STARD13: variants seen among roughly 807,000 people sequenced by gnomAD.
STARD13 encodes StAR related lipid transfer domain containing 13.
Under a neutral mutation model 106.4 loss-of-function variants are expected in STARD13, and 62 were observed. That is an observed-to-expected ratio of 0.58 (90% CI 0.48 to 0.72). The LOEUF (loss-of-function observed/expected upper bound fraction) is 0.72, where lower values mean the gene tolerates loss of function less well. Among genes scored for constraint, STARD13 ranks in the 30% least tolerant of loss-of-function variants. The probability of loss-of-function intolerance (pLI) is 0.00; values close to 1 mark genes in which losing one functional copy is unlikely to be tolerated. For missense variants in STARD13, 1,387 were observed against 1,424.0 expected, an observed-to-expected ratio of 0.97 and a Z score of 0.42; for synonymous variants, 565 against 553.0, an observed-to-expected ratio of 1.02 and a Z score of -0.31.
chr13:33,537,806 C>T, the STARD13 span, among the ~76,000 whole-genome samples: 582 of 152,278 alleles, frequency 3.8e-3, 7 homozygotes, highest in African/African-American at 0.013. Flanking sequence ...GAATTTACAG[C>T]TACAGCATAG....
chr13:33,431,086 G>A, the STARD13 span, among the ~76,000 whole-genome samples: 5 of 152,154 alleles, frequency 3.3e-5, no homozygotes, highest in Non-Finnish European at 7.4e-5. Context: ...TTCTAGCATA[G>A]AGACAAGACA....
At chr13:33,112,030 T>C (rs1034302688) in intron 9 of STARD13, 138 bp from the exon 10 acceptor site, 5 of 598,206 alleles carry the variant, frequency 8.4e-6, no homozygotes, top group Non-Finnish European at 1.5e-5. Context: ...ATAAAAACAA[T>C]GATCACATAT....
the STARD13 span, among the ~76,000 whole-genome samples, chr13:33,572,154 C>G: frequency 6.6e-6 from 1 of 152,156 alleles, no homozygotes; most frequent in Non-Finnish European, 1.5e-5. Context: ...TCTCCCTTTC[C>G]AGGTACCAGA....
At chr13:33,156,208 AAACCCAT>A (rs1452205563) in intron 3 of STARD13, among the ~76,000 whole-genome samples, 1 of 152,202 alleles carries the variant, frequency 6.6e-6, no homozygotes, top group Non-Finnish European at 1.5e-5. Context: ...ATTTCCTGGA[AAACCCAT>A]TCCCTTAGTA....
chr13:33,667,484 G>A, the STARD13 span, among the ~76,000 whole-genome samples: 1 of 152,162 alleles, frequency 6.6e-6, no homozygotes, highest in African/African-American at 2.4e-5. Context: ...TCATATAGAT[G>A]CACATGTAGG....
chr13:33,204,489 T>C (rs1887272213), intron 1 of STARD13, among the ~76,000 whole-genome samples: 1 of 152,038 alleles, frequency 6.6e-6, no homozygotes, highest in African/African-American at 2.4e-5. Context: ...ATTTCCCCAA[T>C]AAGAAAAGAC....
At chr13:33,624,350 G>T in the STARD13 span, among the ~76,000 whole-genome samples, 6 of 152,328 alleles carry the variant, frequency 3.9e-5, no homozygotes, top group South Asian at 1.2e-3. Context: ...TGTCTGTAAG[G>T]GTGATCTTGG....
chr13:33,644,885 T>C, the STARD13 span, among the ~76,000 whole-genome samples: 1 of 152,184 alleles, frequency 6.6e-6, no homozygotes, highest in Admixed American at 6.5e-5. Context: ...TATAACAATA[T>C]GCATGTGACA....
In STARD13 at chr13:33,130,391, C is replaced by G; in HGVS notation, c.388-102G>C. 8.9e-7 allele frequency: 1 copy of G among 1,120,692 alleles called. No individual in the cohort carries two copies. The highest frequency in any genetic ancestry group is 1.3e-6 in the Non-Finnish European group (1 of 784,088). The allele number at this position is 1,120,692 out of a possible 1,614,324, so 69.4% of individuals were successfully genotyped here. Reference sequence around the variant, plus strand: ...CCTGTGTGGTCCTCCACCTCCCTCCCCTCTGTCCTCCCATGCACAGGTGTG... The same window carrying G: ...CCTGTGTGGTCCTCCACCTCCCTCCGCTCTGTCCTCCCATGCACAGGTGTG... On this transcript the variant is annotated intron_variant, in intron 4 of 13. Coordinates refer to ENST00000336934, the MANE Select transcript of STARD13 (RefSeq NM_178006.4). This position sits in a 1 kb window ranked among gnomAD's most constrained non-coding sequence, Gnocchi z 4.1.
At chr13:33,368,098 C>T in the STARD13 span, among the ~76,000 whole-genome samples, 1 of 152,230 alleles carries the variant, frequency 6.6e-6, no homozygotes, top group South Asian at 2.1e-4. Flanking sequence ...CCCCTTACTT[C>T]AAACACTTCT....
intron 1 of STARD13, chr13:33,271,261 T>C (rs1281397658): frequency 1.3e-5 from 2 of 152,294 alleles, no homozygotes; most frequent in African/African-American, 4.8e-5. Flanking sequence ...CCTCCTTTAA[T>C]ACACACTTTT....
chr13:33,285,460 G>C lies in STARD13; in HGVS notation c.169+10C>G. The C allele has an allele frequency of 6.2e-7, 1 of 1,609,900 alleles. No homozygotes were observed. The highest frequency in any genetic ancestry group is 8.5e-7 in the Non-Finnish European group (1 of 1,177,352). ...GAATGAGCAACAGCCTTCCACTGCCGGCCACTCACCTTGTTGAATTTTAGT... is the reference window on the plus strand; with the variant it reads ...GAATGAGCAACAGCCTTCCACTGCCCGCCACTCACCTTGTTGAATTTTAGT... On this transcript the variant is annotated intron_variant, in intron 1 of 13. Transcript: ENST00000336934.
At chr13:33,207,286 C>A (rs1440506279) in intron 1 of STARD13, among the ~76,000 whole-genome samples, 2 of 152,148 alleles carry the variant, frequency 1.3e-5, no homozygotes, top group Admixed American at 1.3e-4. Flanking sequence ...AAGTTTGATA[C>A]CTTAGTTCTC....
intron 1 of STARD13, among the ~76,000 whole-genome samples, chr13:33,208,391 C>T (rs967613757): frequency 2.6e-5 from 4 of 152,082 alleles, no homozygotes; most frequent in Non-Finnish European, 5.9e-5. Flanking sequence ...AAACAGGAGG[C>T]AAGGCAAGCT....
At chr13:33,628,906 G>A in the STARD13 span, among the ~76,000 whole-genome samples, 1 of 152,256 alleles carries the variant, frequency 6.6e-6, no homozygotes, top group African/African-American at 2.4e-5. Flanking sequence ...AAATAGCTAT[G>A]ATGGTAGCGA....
chr13:33,227,996 G>A (rs1031772164), intron 1 of STARD13, among the ~76,000 whole-genome samples: 2 of 152,152 alleles, frequency 1.3e-5, no homozygotes, highest in Admixed American at 6.5e-5. Context: ...ACGAAACAAC[G>A]CAGAGCAGTT....
At chr13:33,624,266 C>T in the STARD13 span, among the ~76,000 whole-genome samples, 2 of 152,190 alleles carry the variant, frequency 1.3e-5, no homozygotes, top group Non-Finnish European at 2.9e-5. Flanking sequence ...GTGGTATACT[C>T]ATACAAGGCA....
chr13:33,457,228 G>C, the STARD13 span, among the ~76,000 whole-genome samples: 1 of 152,152 alleles, frequency 6.6e-6, no homozygotes, highest in African/African-American at 2.4e-5. Flanking sequence ...AGAACACAAA[G>C]GTAATTCAGT....
intron 8 of STARD13, among the ~76,000 whole-genome samples, chr13:33,116,778 A>G (rs562374419): frequency 2.6e-4 from 39 of 152,244 alleles, no homozygotes; most frequent in South Asian, 8.3e-4. Flanking sequence ...CCATTAACTT[A>G]ACTTAATCTA....
Sources: allele counts gnomAD v4.1 joint callset (sites outside exome capture counted in the v4.1 genomes callset), GRCh38; gene constraint gnomAD v4.1.1; non-coding constraint Gnocchi (gnomAD v3.1); transcripts MANE v1.5; gene names NCBI Gene and HGNC (gene_info 2026-07-23, HGNC 2026-07-21).